The following CEP55 variants were observed in gnomAD, a reference collection of about 807,000 sequenced individuals.
CEP55 encodes centrosomal protein 55.
A neutral mutation model predicts 63.2 loss-of-function variants in CEP55; 57 were observed. The observed-to-expected ratio is 0.90, with a 90% CI of 0.73 to 1.13. CEP55 has a LOEUF of 1.13. Ranked by LOEUF, CEP55 falls within the 50% of genes most tolerant of loss-of-function variation. The probability of loss-of-function intolerance (pLI) is 0.00; values close to 1 mark genes in which losing one functional copy is unlikely to be tolerated. For synonymous variants in CEP55, 178 were observed against 191.6 expected (o/e 0.93, Z 0.59); for missense variants, 456 against 518.9 (o/e 0.88, Z 1.18).
At chr10:93,515,688 A>G in intron 5 of CEP55, 133 bp downstream of exon 5, 1 of 878,448 alleles carries the variant, frequency 1.1e-6, no homozygotes. Flanking sequence ...CCCTGAAGTA[A>G]GAAATACCAT....
Position 93,503,380 on chromosome 10 carries a change from T to C in CEP55, c.451T>C (p.Leu151=). 1 of 1,612,196 alleles carries C rather than the reference T, an allele frequency of 6.2e-7. No homozygotes were observed. The change falls in exon 3 of 9, where the codon TTA becomes CTA. Residue 151 remains leucine (L), a synonymous_variant. Coordinates refer to ENST00000371485, the MANE Select transcript of CEP55 (RefSeq NM_018131.5). The part of the protein sequence containing the change: ...ELESKTNTLR[L]SQTVAPNCFN... ...TGAAAGCAAAACCAATACACTCCGT[T>C]TATCACAGGTGCTAATCATTTCTTT...
chr10:93,501,509 C>T (rs886435073), intron 2 of CEP55, among the ~76,000 whole-genome samples: 6 of 151,884 alleles, frequency 4.0e-5, no homozygotes, highest in Non-Finnish European at 7.4e-5. Context: ...GCCAATATGG[C>T]GAAACAAAAA....
intron 8 of CEP55, among the ~76,000 whole-genome samples, chr10:93,525,069 A>C (rs887798963): frequency 6.6e-6 from 1 of 151,522 alleles, no homozygotes; most frequent in Non-Finnish European, 1.5e-5. Context: ...TATTCAACAT[A>C]GTGTTGGAAG....
chr10:93,503,223 C>T lies in CEP55; in HGVS notation c.294C>T (p.Thr98=), dbSNP rs62642530. ...AACTGAAGGCCAGATATAGTACTAC[C>T]ACATTGCTTGAACAGCTGGAAGAGA... The part of the protein sequence containing the change: ...RDQLKARYST[T]TLLEQLEETT... Residue 98 remains threonine (T), a synonymous_variant, in exon 3 of 9, where the codon ACC becomes ACT. Transcript: ENST00000371485. 1,091 of 1,613,814 alleles carry T rather than the reference C, an allele frequency of 6.8e-4. 12 individuals are homozygous for T. In the African/African-American group the frequency reaches 0.012, roughly 18 times the overall value.
chr10:93,510,246 G>C (rs2057731352), intron 4 of CEP55, among the ~76,000 whole-genome samples: 1 of 152,142 alleles, frequency 6.6e-6, no homozygotes, highest in African/African-American at 2.4e-5. Context: ...CCAAAAGACA[G>C]TTTTAATAGG....
chr10:93,503,152 T>C lies in CEP55; in HGVS notation c.223T>C (p.Tyr75His), dbSNP rs913971368. ...TGAGGCTGAGAAGGAGAAGAATGCT[T>C]ATCAACTCACAGAGAAGGACAAAGA... ...VLEAEKEKNA[Y>H]QLTEKDKEIQ... Residue 75 changes from tyrosine (Y) to histidine (H), a missense_variant, in exon 3 of 9, where the codon TAT becomes CAT. Transcript: ENST00000371485. The C allele has an allele frequency of 1.1e-5, 17 of 1,613,998 alleles. No individual in the cohort carries two copies. Among genetic ancestry groups the C allele is most frequent in the Middle Eastern group, 1.6e-4 (1 of 6,084 alleles).
rs34391692 is a variant in CEP55, at chr10:93,514,208, C to T, written c.529-1197C>T. 3.1e-3 allele frequency among the ~76,000 whole-genome samples: 478 copies of T among 152,272 alleles called. 2 individuals carry two copies. The highest frequency in any genetic ancestry group is 5.8e-3 in the Non-Finnish European group (393 of 68,026). ...TCGGCCTCCCAAAGTGCTGGGATTA[C>T]AGGTGTGAGCCACTGCCCAGCCCAC... is the stretch of plus-strand genomic sequence containing the variant. On this transcript the variant is annotated intron_variant, in intron 4 of 8. Transcript: ENST00000371485.
At chr10:93,505,334 C>T (rs1283607457) in intron 3 of CEP55, among the ~76,000 whole-genome samples, 1 of 152,180 alleles carries the variant, frequency 6.6e-6, no homozygotes, top group African/African-American at 2.4e-5. Flanking sequence ...CTTCTAGTGG[C>T]TCCACCTTCC....
intron 4 of CEP55, among the ~76,000 whole-genome samples, chr10:93,511,105 A>AT (rs935656782): frequency 7.9e-5 from 12 of 151,064 alleles, no homozygotes; most frequent in Admixed American, 2.6e-4. Flanking sequence ...CGCCTGGCTA[A>AT]TTTTTTTTTA....
At chr10:93,509,874 T>C (rs2057726663) in intron 4 of CEP55, among the ~76,000 whole-genome samples, 1 of 152,226 alleles carries the variant, frequency 6.6e-6, no homozygotes, top group African/African-American at 2.4e-5. Flanking sequence ...GGGAAAATTG[T>C]AGTTGGAGGA....
intron 8 of CEP55, among the ~76,000 whole-genome samples, chr10:93,522,894 A>C (rs1367908776): frequency 1.3e-5 from 2 of 152,198 alleles, no homozygotes; most frequent in Non-Finnish European, 2.9e-5. Flanking sequence ...ATGCTGAGAG[A>C]TTTTGTCACC....
chr10:93,509,468 C>CATTATTATTATTATTATT (rs10606106), intron 4 of CEP55, among the ~76,000 whole-genome samples: 301 of 147,236 alleles, frequency 2.0e-3, no homozygotes, highest in Non-Finnish European at 2.8e-3. Context: ...GAACCATTAA[C>CATTATTATTATTATTATT]ATTATTATTA....
chr10:93,515,534 A>G lies in CEP55; in HGVS notation c.658A>G (p.Thr220Ala). Residue 220 changes from threonine (T) to alanine (A), a missense_variant, in exon 5 of 9, where the codon ACA becomes GCA. Coordinates refer to ENST00000371485, the MANE Select transcript of CEP55 (RefSeq NM_018131.5). ...AGCTGCTCATTCACTCCCACAGCAG[A>G]CAAAAAAGCCTGAATCAGAAGGTAC... The part of the protein sequence containing the change: ...ETAAHSLPQQ[T>A]KKPESEGYLQ... 6.2e-7 allele frequency: 1 copy of G among 1,613,240 alleles called. No homozygotes were observed. Among genetic ancestry groups the G allele is most frequent in the Non-Finnish European group, 8.5e-7 (1 of 1,179,326 alleles).
Position 93,518,864 on chromosome 10 carries a change from T to G in CEP55, c.994-13T>G, listed in dbSNP as rs774117984. On this transcript the variant is annotated splice_polypyrimidine_tract_variant and intron_variant, in intron 6 of 8. Coordinates refer to ENST00000371485, the MANE Select transcript of CEP55 (RefSeq NM_018131.5). ...TTGGATGTGACAGCATTGGTTCTCT[T>G]TATGTCCTACAGGTCCAGTTTCTTT... 8 of 1,585,682 alleles carry G rather than the reference T, an allele frequency of 5.0e-6. No homozygotes were observed. The highest frequency in any genetic ancestry group is 1.7e-4 in the Middle Eastern group (1 of 5,960).
intron 5 of CEP55, among the ~76,000 whole-genome samples, chr10:93,516,233 T>C (rs186276995): frequency 2.6e-4 from 40 of 152,304 alleles, no homozygotes; most frequent in African/African-American, 8.7e-4. Context: ...TTGAATTTTA[T>C]AGAGAAGTCT....
chr10:93,518,693 G>A (rs2057827590), intron 6 of CEP55, among the ~76,000 whole-genome samples, 184 bp from the exon 7 acceptor site: 1 of 152,218 alleles, frequency 6.6e-6, no homozygotes, highest in South Asian at 2.1e-4. Context: ...GGCAAGGGCG[G>A]TGGTATACTG....
intron 4 of CEP55, among the ~76,000 whole-genome samples, chr10:93,510,104 T>C (rs2057729408): frequency 6.6e-6 from 1 of 152,238 alleles, no homozygotes. Context: ...TGTATCATTG[T>C]TCAGTTACCA....
At chr10:93,511,790 G>C (rs2057753075) in intron 4 of CEP55, among the ~76,000 whole-genome samples, 1 of 151,840 alleles carries the variant, frequency 6.6e-6, no homozygotes. Flanking sequence ...TTTTAGTAGA[G>C]ACGGGGTTTC....
At chr10:93,498,064 G>A (rs2057591843) in intron 1 of CEP55, among the ~76,000 whole-genome samples, 1 of 152,036 alleles carries the variant, frequency 6.6e-6, no homozygotes, top group African/African-American at 2.4e-5. Context: ...GGAGGTTGCA[G>A]TGATCTGAGA....
Sources: gnomAD v4.1 joint callset for allele counts (sites outside exome capture counted in the v4.1 genomes callset) on GRCh38, gnomAD v4.1.1 for gene constraint, MANE v1.5 for transcripts, NCBI Gene and HGNC (gene_info 2026-07-23, HGNC 2026-07-21) for gene names.